Variants in WDR64 observed in about 807,000 individuals in gnomAD.
The protein encoded by WDR64 is WD repeat domain 64, also known as WD repeat-containing protein 64.
WDR64 carries 112 observed loss-of-function variants against 139.3 expected under a neutral mutation model. That is an observed-to-expected ratio of 0.80 (90% confidence interval 0.69 to 0.94). The LOEUF is 0.94. Ranked by LOEUF, WDR64 falls within the 40% of genes least tolerant of loss-of-function variation. The probability of loss-of-function intolerance (pLI) is 0.00; values close to 1 mark genes in which losing one functional copy is unlikely to be tolerated. For synonymous variants in WDR64, 444 were observed against 437.7 expected (o/e 1.01, Z -0.18); for missense variants, 1,206 against 1,293.1 (o/e 0.93, Z 1.03).
At chr1:241,790,733 A>G (rs773409651) in intron 25 of WDR64, 37 bp downstream of exon 25, 3 of 1,438,108 alleles carry the variant, frequency 2.1e-6, no homozygotes, top group African/African-American at 2.9e-5. Flanking sequence ...AAATGGCAAC[A>G]ACAACAAAAC....
chr1:241,764,330 G>C (rs1005099210), intron 15 of WDR64, among the ~76,000 whole-genome samples: 1 of 152,080 alleles, frequency 6.6e-6, no homozygotes, highest in East Asian at 1.9e-4. Context: ...GAAGATTCAG[G>C]CAACAGGCTA....
intron 5 of WDR64, 31 bp from the exon 6 acceptor site, chr1:241,679,454 T>C: frequency 6.5e-7 from 1 of 1,527,966 alleles, no homozygotes; most frequent in Non-Finnish European, 8.9e-7. Flanking sequence ...GGAAATGCAT[T>C]ATATCCCCCA....
chr1:241,766,458 C>T, intron 16 of WDR64, 107 bp downstream of exon 16: 1 of 1,294,738 alleles, frequency 7.7e-7, no homozygotes, highest in African/African-American at 1.5e-5. Flanking sequence ...GGTCTGTAAA[C>T]CCAGAACTTT....
intron 14 of WDR64, among the ~76,000 whole-genome samples, chr1:241,752,357 TA>T (rs1311775654): frequency 6.6e-6 from 1 of 152,228 alleles, no homozygotes; most frequent in African/African-American, 2.4e-5. Context: ...TATATTACTA[TA>T]GCCTTTCTTT....
intron 10 of WDR64, among the ~76,000 whole-genome samples, chr1:241,724,079 A>C (rs2148202248): frequency 6.6e-6 from 1 of 152,316 alleles, no homozygotes; most frequent in African/African-American, 2.4e-5. Context: ...CAATATTAGG[A>C]ATAAACTTAA....
chr1:241,750,184 C>T (rs573990701), intron 14 of WDR64, among the ~76,000 whole-genome samples: 1 of 152,286 alleles, frequency 6.6e-6, no homozygotes, highest in African/African-American at 2.4e-5. Context: ...CTGCTCAGGG[C>T]TGTTTGGGGA....
Position 241,783,257 on chromosome 1 carries a change from GT to G in WDR64, c.2596-10del. 6.2e-7 allele frequency: 1 copy of G among 1,607,610 alleles called. No homozygotes were observed. Among genetic ancestry groups the G allele is most frequent in the Non-Finnish European group, 8.5e-7 (1 of 1,174,920 alleles). On this transcript the variant is annotated splice_polypyrimidine_tract_variant and intron_variant, in intron 22 of 27. Coordinates refer to ENST00000437684, the MANE Select transcript of WDR64 (RefSeq NM_001367482.1). ...ATAGTTATTCCGAGGAATATGCCTT[GT>G]TTTTGCTATCTAGAAATTCAAGCAG...
chr1:241,696,163 A>G (rs1338329203), intron 8 of WDR64, among the ~76,000 whole-genome samples: 1 of 145,370 alleles, frequency 6.9e-6, no homozygotes, highest in Non-Finnish European at 1.5e-5. Context: ...AATAACACTG[A>G]TAAGACCCTA....
chr1:241,673,789 G>T (rs960055099), intron 3 of WDR64, among the ~76,000 whole-genome samples: 26 of 152,002 alleles, frequency 1.7e-4, no homozygotes, highest in Non-Finnish European at 1.5e-5. Flanking sequence ...ATCATTCAGT[G>T]CATGGCCATA....
intron 2 of WDR64, among the ~76,000 whole-genome samples, chr1:241,666,725 T>C (rs556202310): frequency 3.3e-5 from 5 of 152,228 alleles, no homozygotes; most frequent in Non-Finnish European, 7.3e-5. Context: ...ATTGAGCTCC[T>C]ACTGGGGACT....
chr1:241,787,776 C>A, intron 23 of WDR64, 73 bp from the exon 24 acceptor site: 1 of 1,322,408 alleles, frequency 7.6e-7, no homozygotes. Context: ...TTTACATAAA[C>A]GATCTAATGA....
At chr1:241,734,098 A>G (rs941785820) in intron 10 of WDR64, among the ~76,000 whole-genome samples, 6 of 152,276 alleles carry the variant, frequency 3.9e-5, no homozygotes, top group Admixed American at 3.9e-4. Flanking sequence ...GCTCACTGAG[A>G]TAAATGCATA....
intron 15 of WDR64, among the ~76,000 whole-genome samples, chr1:241,761,873 C>T (rs569778678): frequency 2.6e-5 from 4 of 152,284 alleles, no homozygotes; most frequent in African/African-American, 9.6e-5. Flanking sequence ...GCAAGTTACG[C>T]TTCGCTTCTA....
At chr1:241,747,865 T>C (rs1669823352) in intron 13 of WDR64, among the ~76,000 whole-genome samples, 1 of 152,102 alleles carries the variant, frequency 6.6e-6, no homozygotes, top group African/African-American at 2.4e-5. Flanking sequence ...GAGAAGGAAA[T>C]TGGGCTGGCA....
At position 241,766,370 on chromosome 1, in the gene WDR64, T is replaced by G; in HGVS notation, c.2081+19T>G. The G allele has an allele frequency of 6.2e-7, 1 of 1,611,094 alleles. No individual in the cohort carries two copies. The highest frequency in any genetic ancestry group is 8.5e-7 in the Non-Finnish European group (1 of 1,178,516). ...AAAAAGTGTAAGTTGTGTATTATCC[T>G]TAAACAATGTAAAAGCTTTACTGCA... is the stretch of plus-strand genomic sequence containing the variant. On this transcript the variant is annotated intron_variant, in intron 16 of 27. Transcript: ENST00000437684.
Position 241,738,379 on chromosome 1 carries a change from A to T in WDR64, c.1211A>T (p.Asp404Val). 1.2e-6 allele frequency: 2 copies of T among 1,613,596 alleles called. No homozygotes were observed. Among genetic ancestry groups the T allele is most frequent in the East Asian group, 2.2e-5 (1 of 44,834 alleles). Residue 404 changes from aspartate (D) to valine (V), a missense_variant, in exon 11 of 28, where the codon GAT becomes GTT. Coordinates refer to ENST00000437684, the MANE Select transcript of WDR64 (RefSeq NM_001367482.1). ...LSSAKVFRVW[D>V]IQTLSLLQVF... ...TTCTTCCAGGTTTTCCGGGTGTGGG[A>T]TATACAAACTCTTTCACTATTACAA...
rs762103859 is a variant in WDR64, at chr1:241,788,030, G to A, written c.2887G>A (p.Glu963Lys). ...TGAATATCCTCTGATATTTGACCGG[G>A]AAAAGTAAGACCATTAGCTCTTCTT... The part of the protein sequence containing the change: ...KYEYPLIFDR[E>K]KWRKMSSVSL... The change falls in exon 24 of 28, where the codon GAA becomes AAA. Residue 963 changes from glutamate (E) to lysine (K), a missense_variant. Transcript: ENST00000437684. 30 of 1,584,296 alleles carry A rather than the reference G, an allele frequency of 1.9e-5. No individual in the cohort carries two copies. The highest frequency in any genetic ancestry group is 2.2e-5 in the Non-Finnish European group (26 of 1,168,568).
chr1:241,704,960 T>C (rs901752879), intron 8 of WDR64, among the ~76,000 whole-genome samples: 3 of 152,158 alleles, frequency 2.0e-5, no homozygotes, highest in African/African-American at 7.2e-5. Flanking sequence ...GGGATTAAGG[T>C]ACCTGGTTGT....
chr1:241,799,807 C>T (rs1350423468), intron 27 of WDR64, among the ~76,000 whole-genome samples: 1 of 152,104 alleles, frequency 6.6e-6, no homozygotes, highest in Admixed American at 6.5e-5. Context: ...ACTAGAGAGC[C>T]CCACCCTTCC....
Sources: allele counts gnomAD v4.1 joint callset (sites outside exome capture counted in the v4.1 genomes callset), GRCh38; gene constraint gnomAD v4.1.1; transcripts MANE v1.5; gene names NCBI Gene and HGNC (gene_info 2026-07-23, HGNC 2026-07-21).